SLC41A2: variants seen among roughly 807,000 people sequenced by gnomAD.
SLC41A2 encodes the protein SLC41A1-like 1.
In SLC41A2, 32 loss-of-function variants were observed where a neutral mutation model predicts 58.3. The ratio of observed to expected loss-of-function variants is 0.55; its 90% CI spans 0.41 to 0.74. The LOEUF (loss-of-function observed/expected upper bound fraction) is 0.74, where lower values mean the gene tolerates loss of function less well. Ranked by LOEUF, SLC41A2 falls within the 30% of genes least tolerant of loss-of-function variation. SLC41A2 has a pLI of 0.00. For missense variants in SLC41A2, 514 were observed against 680.6 expected (o/e 0.76, Z 2.72); for synonymous variants, 190 against 235.0 (o/e 0.81, Z 1.75).
At chr12:104,835,060 T>C (rs1327549833) in intron 10 of SLC41A2, among the ~76,000 whole-genome samples, 1 of 152,200 alleles carries the variant, frequency 6.6e-6, no homozygotes, top group Non-Finnish European at 1.5e-5. Flanking sequence ...CTATTGATGA[T>C]GATGATGTTG....
chr12:104,841,322 G>T (rs1229283847), intron 10 of SLC41A2, among the ~76,000 whole-genome samples: 2 of 148,346 alleles, frequency 1.3e-5, no homozygotes, highest in Non-Finnish European at 3.0e-5. Context: ...AAAAATCTAG[G>T]TTTTTTTTTT....
chr12:104,819,003 A>T (rs1054549261), intron 10 of SLC41A2, among the ~76,000 whole-genome samples: 1 of 152,244 alleles, frequency 6.6e-6, no homozygotes, highest in Admixed American at 6.5e-5. Context: ...AACACAGATC[A>T]TTTCAAATAT....
chr12:104,873,740 T>C (rs2043902188), intron 6 of SLC41A2, among the ~76,000 whole-genome samples: 1 of 152,202 alleles, frequency 6.6e-6, no homozygotes, highest in African/African-American at 2.4e-5. Flanking sequence ...TGAAATGATA[T>C]CTCATTTCAG....
chr12:104,841,070 C>A (rs1289007436), intron 10 of SLC41A2, among the ~76,000 whole-genome samples: 1 of 151,950 alleles, frequency 6.6e-6, no homozygotes, highest in African/African-American at 2.4e-5. Context: ...TAAATTAACC[C>A]CACTCACTCT....
intron 1 of SLC41A2, chr12:104,951,544 A>G (rs1000280241): frequency 6.6e-6 from 1 of 152,100 alleles, no homozygotes; most frequent in African/African-American, 2.4e-5. Flanking sequence ...CAAACACTGA[A>G]AGAATTTTTC....
At chr12:104,849,949 T>C (rs2042740215) in intron 8 of SLC41A2, among the ~76,000 whole-genome samples, 1 of 152,234 alleles carries the variant, frequency 6.6e-6, no homozygotes, top group Non-Finnish European at 1.5e-5. Context: ...GTTCGAAGAA[T>C]GAGCTCTGAA....
intron 1 of SLC41A2, among the ~76,000 whole-genome samples, chr12:104,957,864 G>A (rs1399760240): frequency 6.6e-6 from 1 of 152,052 alleles, no homozygotes; most frequent in African/African-American, 2.4e-5. Context: ...GCTTCCCTCA[G>A]CCCGAGGTGG....
intron 2 of SLC41A2, among the ~76,000 whole-genome samples, chr12:104,926,389 T>A (rs2046841302): frequency 6.6e-6 from 1 of 151,756 alleles, no homozygotes; most frequent in African/African-American, 2.4e-5. Context: ...TCACTTGAGG[T>A]CAGGAGATTG....
At chr12:104,927,952 T>G in intron 2 of SLC41A2, 21 bp downstream of exon 2, 1 of 1,527,142 alleles carries the variant, frequency 6.5e-7, no homozygotes, top group Non-Finnish European at 8.8e-7. Flanking sequence ...ACAGTAAAGT[T>G]AAATAAAGAT....
intron 8 of SLC41A2, among the ~76,000 whole-genome samples, chr12:104,855,950 A>G (rs997104994): frequency 2.0e-5 from 3 of 151,204 alleles, no homozygotes; most frequent in Non-Finnish European, 2.9e-5. Flanking sequence ...TGGATCTAGA[A>G]AGGAACAGAT....
chr12:104,920,392 A>G (rs1344786346), intron 2 of SLC41A2, among the ~76,000 whole-genome samples: 2 of 152,232 alleles, frequency 1.3e-5, no homozygotes, highest in East Asian at 3.9e-4. Flanking sequence ...AGTAATGCAG[A>G]AATTTATCAG....
In SLC41A2 at chr12:104,957,200, AAAAGT is replaced by A. The variant is rs564881216; in HGVS notation, c.-168+883_-168+887del. ...GATACAACAATATTAATATGCTATA[AAAAGT>A]AAAGTACTGATACATACTACATGAG... On this transcript the variant is annotated intron_variant, in intron 1 of 10. Coordinates refer to ENST00000258538, the MANE Select transcript of SLC41A2 (RefSeq NM_001352171.3). Among the ~76,000 whole-genome samples, 18 of 152,376 alleles carry A rather than the reference AAAAGT, an allele frequency of 1.2e-4. No individual in the cohort carries two copies. The East Asian group carries it at 3.1e-3, about 26-fold the overall frequency.
chr12:104,946,727 T>C (rs985224499), intron 1 of SLC41A2, among the ~76,000 whole-genome samples: 3 of 152,278 alleles, frequency 2.0e-5, no homozygotes, highest in Admixed American at 1.3e-4. Context: ...ATGACTTGTA[T>C]TGAGTGATTT....
chr12:104,854,884 T>A (rs2042966956), intron 8 of SLC41A2, among the ~76,000 whole-genome samples: 1 of 152,184 alleles, frequency 6.6e-6, no homozygotes, highest in Non-Finnish European at 1.5e-5. Context: ...AGCCCGTATC[T>A]GTGTATTTTC....
At chr12:104,858,377 A>G (rs1413075628) in intron 8 of SLC41A2, among the ~76,000 whole-genome samples, 1 of 152,198 alleles carries the variant, frequency 6.6e-6, no homozygotes, top group African/African-American at 2.4e-5. Flanking sequence ...ACCACTTACA[A>G]GATAAGAGAC....
At chr12:104,876,758 G>A (rs547940831) in intron 6 of SLC41A2, among the ~76,000 whole-genome samples, 77 of 152,304 alleles carry the variant, frequency 5.1e-4, no homozygotes, top group African/African-American at 1.3e-3. Context: ...TTCCGCTGCT[G>A]TTGGATGGAA....
At chr12:104,812,480 T>G (rs1566094328) in intron 10 of SLC41A2, among the ~76,000 whole-genome samples, 1 of 152,168 alleles carries the variant, frequency 6.6e-6, no homozygotes, top group Non-Finnish European at 1.5e-5. Flanking sequence ...ATATTTCCAA[T>G]CTATACATCT....
At chr12:104,816,602 A>G (rs1324035220) in intron 10 of SLC41A2, among the ~76,000 whole-genome samples, 5 of 152,192 alleles carry the variant, frequency 3.3e-5, no homozygotes, top group Non-Finnish European at 4.4e-5. Flanking sequence ...CTAATAAAAG[A>G]AGATTTTCAC....
chr12:104,955,016 C>CTTTTTT lies in SLC41A2; in HGVS notation c.-168+3066_-168+3071dup, dbSNP rs375969264. Among the ~76,000 whole-genome samples the CTTTTTT allele has an allele frequency of 2.5e-3, 194 of 79,154 alleles. 6 individuals are homozygous for CTTTTTT. Among genetic ancestry groups the CTTTTTT allele is most frequent in the East Asian group, 7.8e-3 (17 of 2,190 alleles). 51.9% of individuals were successfully genotyped at this position (79,154 alleles called of 152,430 possible). A position where few individuals can be genotyped will look rare whatever the true frequency, so the allele number is the denominator to read the frequency against. ...AACAGCCCCTGACTCTTGGCCCTTGCTTTTTTTTTTTTTTTTTTTTTTTTG... is the reference window on the plus strand; with the variant it reads ...AACAGCCCCTGACTCTTGGCCCTTGCTTTTTTTTTTTTTTTTTTTTTTTTTTTTTTG... On this transcript the variant is annotated intron_variant, in intron 1 of 10. Transcript: ENST00000258538.
Sources: allele counts gnomAD v4.1 joint callset (sites outside exome capture counted in the v4.1 genomes callset), GRCh38; gene constraint gnomAD v4.1.1; transcripts MANE v1.5; gene names NCBI Gene and HGNC (gene_info 2026-07-23, HGNC 2026-07-21).